ZSCAN25: variants seen among roughly 807,000 people sequenced by gnomAD.
ZSCAN25 encodes the protein zinc finger and SCAN domain-containing protein 25.
In ZSCAN25, 27 loss-of-function variants were observed where a neutral mutation model predicts 38.7. That is an observed-to-expected ratio of 0.70 (90% CI 0.51 to 0.96). The LOEUF is 0.96. ZSCAN25 is among the 40% of genes least tolerant of loss of function. The pLI is 0.00. For synonymous variants in ZSCAN25, 273 were observed against 277.7 expected, an observed-to-expected ratio of 0.98 and a Z score of 0.17; for missense variants, 637 against 705.9, an observed-to-expected ratio of 0.90 and a Z score of 1.11.
At chr7:99,648,195 A>G in the ZSCAN25 span, 1 of 1,472,770 alleles carries the variant, frequency 6.8e-7, no homozygotes, top group Non-Finnish European at 9.0e-7. Flanking sequence ...CTCATGCAGT[A>G]CATTAGATTA....
downstream of ZSCAN25, among the ~76,000 whole-genome samples, chr7:99,633,409 T>C (rs374617565): frequency 6.6e-6 from 1 of 152,216 alleles, no homozygotes; most frequent in African/African-American, 2.4e-5. Flanking sequence ...TTCCCTTCAT[T>C]AACTTAGGTT....
At chr7:99,666,563 A>C in the ZSCAN25 span, 7 of 1,602,220 alleles carry the variant, frequency 4.4e-6, no homozygotes, top group Non-Finnish European at 6.0e-6. Flanking sequence ...GGAAGGGCTC[A>C]TGACAGCTCA....
chr7:99,730,920 G>T, the ZSCAN25 span: 9 of 1,170,884 alleles, frequency 7.7e-6, no homozygotes, highest in Admixed American at 7.2e-5. Flanking sequence ...ACTTTGCCAC[G>T]CTCTGGGTGA....
chr7:99,664,046 CAG>C, the ZSCAN25 span: 1 of 1,598,612 alleles, frequency 6.3e-7, no homozygotes, highest in Non-Finnish European at 8.5e-7. Flanking sequence ...CTTTTGGAAA[CAG>C]AGAGACATTT....
the ZSCAN25 span, among the ~76,000 whole-genome samples, chr7:99,736,003 A>G: frequency 6.6e-6 from 1 of 152,126 alleles, no homozygotes; most frequent in African/African-American, 2.4e-5. Context: ...GCACTTTCAG[A>G]TTTGTCCTCT....
the ZSCAN25 span, chr7:99,666,719 T>A: frequency 1.2e-6 from 2 of 1,614,020 alleles, no homozygotes; most frequent in Non-Finnish European, 1.7e-6. Flanking sequence ...GTACCTGTAG[T>A]TAAATGTGCA....
At chr7:99,712,541 C>A in the ZSCAN25 span, among the ~76,000 whole-genome samples, 1 of 152,168 alleles carries the variant, frequency 6.6e-6, no homozygotes, top group Non-Finnish European at 1.5e-5. Flanking sequence ...CTAGATGAAA[C>A]ACTAAAACAG....
At chr7:99,695,206 G>C in the ZSCAN25 span, among the ~76,000 whole-genome samples, 1 of 152,164 alleles carries the variant, frequency 6.6e-6, no homozygotes, top group Non-Finnish European at 1.5e-5. Flanking sequence ...ACCTTCAGGG[G>C]ATTTAGCATT....
chr7:99,662,752 T>G, the ZSCAN25 span: 1 of 1,469,996 alleles, frequency 6.8e-7, no homozygotes, highest in African/African-American at 1.4e-5. This position sits in a 1 kb window ranked among gnomAD's most constrained non-coding sequence, Gnocchi z 4.3. Context: ...CCTGCACATT[T>G]TCAGAACAAG....
At chr7:99,652,921 A>G in the ZSCAN25 span, 2 of 661,576 alleles carry the variant, frequency 3.0e-6, no homozygotes, top group Non-Finnish European at 5.2e-6. Context: ...AAGTATTTTA[A>G]TAACTGGCAT....
chr7:99,679,959 C>T, the ZSCAN25 span: 2 of 1,468,424 alleles, frequency 1.4e-6, no homozygotes, highest in East Asian at 2.3e-5. Context: ...CTGCTGTTTG[C>T]TGGGCTGTTT....
At chr7:99,695,092 G>A in the ZSCAN25 span, among the ~76,000 whole-genome samples, 1 of 152,070 alleles carries the variant, frequency 6.6e-6, no homozygotes, top group Non-Finnish European at 1.5e-5. Context: ...CCCATAAGGT[G>A]CAGCCTTTGA....
At chr7:99,675,756 C>T in the ZSCAN25 span, among the ~76,000 whole-genome samples, 53 of 139,708 alleles carry the variant, frequency 3.8e-4, no homozygotes, top group Middle Eastern at 3.5e-3. Context: ...TGCAGTGGTG[C>T]GATCACAGCT....
At chr7:99,679,953 TG>T in the ZSCAN25 span, 6 of 1,497,764 alleles carry the variant, frequency 4.0e-6, no homozygotes, top group Admixed American at 5.0e-5. Context: ...TGAGTGCTGC[TG>T]TTTGCTGGGC....
At chr7:99,627,006 T>C (rs1015814829) in intron 7 of ZSCAN25, among the ~76,000 whole-genome samples, 1 of 152,238 alleles carries the variant, frequency 6.6e-6, no homozygotes, top group African/African-American at 2.4e-5. Context: ...CCCAGCTTTA[T>C]ATTTTGAACT....
the ZSCAN25 span, chr7:99,720,630 C>T: frequency 6.1e-6 from 3 of 495,432 alleles, no homozygotes; most frequent in South Asian, 2.6e-5. Flanking sequence ...GTGGGCCAAA[C>T]AGGGAAGAGA....
the ZSCAN25 span, chr7:99,684,933 T>G: frequency 5.0e-6 from 2 of 401,814 alleles, no homozygotes; most frequent in South Asian, 3.4e-5. Context: ...AAGCACTGAT[T>G]TGGTCACTTC....
At chr7:99,647,604 G>T in the ZSCAN25 span, 18 of 985,174 alleles carry the variant, frequency 1.8e-5, no homozygotes, top group African/African-American at 2.8e-4. Flanking sequence ...TATGATAAGT[G>T]CTTCGTTGAG....
chr7:99,709,234 G>A, the ZSCAN25 span: 12 of 1,613,840 alleles, frequency 7.4e-6, no homozygotes, highest in East Asian at 4.5e-5. Context: ...TACTCCAACT[G>A]TAGCACAGTA....
Sources: allele counts gnomAD v4.1 joint callset (sites outside exome capture counted in the v4.1 genomes callset), GRCh38; gene constraint gnomAD v4.1.1; non-coding constraint Gnocchi (gnomAD v3.1); transcripts MANE v1.5; gene names NCBI Gene and HGNC (gene_info 2026-07-23, HGNC 2026-07-21).